Variants in ATAD2B observed in about 807,000 individuals in gnomAD.
ATAD2B encodes ATPase family AAA domain containing 2B, also known as ATPase family AAA domain-containing protein 2B.
ATAD2B carries 40 observed loss-of-function variants against 167.6 expected under a neutral mutation model. That is an observed-to-expected ratio of 0.24 (90% CI 0.19 to 0.31). The LOEUF is 0.31. Ranked by LOEUF, ATAD2B falls within the 10% of genes least tolerant of loss-of-function variation. ATAD2B has a pLI of 1.00. For missense variants in ATAD2B, 1,242 were observed against 1,757.2 expected, an observed-to-expected ratio of 0.71 and a Z score of 5.24; for synonymous variants, 579 against 596.5, an observed-to-expected ratio of 0.97 and a Z score of 0.43.
At chr2:23,785,047 T>G (rs747984228) in intron 21 of ATAD2B, among the ~76,000 whole-genome samples, 17 of 151,936 alleles carry the variant, frequency 1.1e-4, no homozygotes, top group Admixed American at 2.0e-4. Flanking sequence ...CAAATAAAAT[T>G]ATAGATAGTC....
At chr2:23,773,599 A>G (rs543250070) in intron 22 of ATAD2B, among the ~76,000 whole-genome samples, 12 of 152,300 alleles carry the variant, frequency 7.9e-5, no homozygotes, top group African/African-American at 2.4e-4. Flanking sequence ...TCAGAGACTC[A>G]CTCATCACTT....
intron 11 of ATAD2B, among the ~76,000 whole-genome samples, chr2:23,864,398 G>A (rs1277091590): frequency 3.3e-5 from 5 of 152,130 alleles, no homozygotes; most frequent in Admixed American, 3.3e-4. Context: ...GGCACAATCT[G>A]TTCCTACAAA....
intron 12 of ATAD2B, 37 bp from the exon 13 acceptor site, chr2:23,857,540 G>T: frequency 9.8e-7 from 1 of 1,016,384 alleles, no homozygotes; most frequent in Non-Finnish European, 1.4e-6. Context: ...TATTGTATTT[G>T]TTTTCATTTT....
chr2:23,916,944 T>C (rs1255332414), intron 1 of ATAD2B, among the ~76,000 whole-genome samples: 4 of 152,210 alleles, frequency 2.6e-5, no homozygotes, highest in African/African-American at 9.6e-5. Context: ...GTACATACCA[T>C]GAAGCAGGGA....
At position 23,757,644 on chromosome 2, in the gene ATAD2B, T is replaced by C; in HGVS notation, c.3852A>G (p.Glu1284=). The C allele has an allele frequency of 1.9e-6, 3 of 1,613,876 alleles. No individual in the cohort carries two copies. The highest frequency in any genetic ancestry group is 2.5e-6 in the Non-Finnish European group (3 of 1,179,760). ...TDSFEGIPVL[E]CQNGKLEVVS... ...CTACTTCAAGCTTGCCATTCTGACA[T>C]TCCAGAACTGGTATTCCTTCAAAAC... is the stretch of plus-strand genomic sequence containing the variant. Residue 1284 remains glutamate, a synonymous_variant, in exon 25 of 28, where the codon GAA becomes GAG. Coordinates refer to ENST00000238789, the MANE Select transcript of ATAD2B (RefSeq NM_017552.4).
At chr2:23,785,862 G>C in intron 21 of ATAD2B, 165 bp downstream of exon 21, 3 of 544,884 alleles carry the variant, frequency 5.5e-6, no homozygotes, top group Non-Finnish European at 9.2e-6. Context: ...AAAGTCACCA[G>C]ATGTTTGCTG....
At chr2:23,718,609 C>A in the ATAD2B span, among the ~76,000 whole-genome samples, 11 of 152,198 alleles carry the variant, frequency 7.2e-5, no homozygotes, top group African/African-American at 2.7e-4. Context: ...ACATGGAGAA[C>A]TGTATTAGTG....
At chr2:23,874,781 G>T (rs1370577945) in intron 8 of ATAD2B, among the ~76,000 whole-genome samples, 1 of 152,114 alleles carries the variant, frequency 6.6e-6, no homozygotes, top group Non-Finnish European at 1.5e-5. Flanking sequence ...TTAGGGCCGG[G>T]TGTGGTGGCT....
At chr2:23,898,145 A>C (rs1324764618) in intron 1 of ATAD2B, among the ~76,000 whole-genome samples, 1 of 151,866 alleles carries the variant, frequency 6.6e-6, no homozygotes, top group Non-Finnish European at 1.5e-5. Context: ...ACCTCACTAT[A>C]TTGCCTAGAC....
chr2:23,834,300 T>C (rs1374911542), intron 13 of ATAD2B, among the ~76,000 whole-genome samples: 1 of 151,782 alleles, frequency 6.6e-6, no homozygotes, highest in Admixed American at 6.6e-5. Flanking sequence ...TAGCTGGGAC[T>C]ACAGGCGCAC....
At position 23,877,470 on chromosome 2, in the gene ATAD2B, G is replaced by A. The variant is rs528815824; in HGVS notation, c.902-1566C>T. Among the ~76,000 whole-genome samples, 130 of 141,884 alleles carry A rather than the reference G, an allele frequency of 9.2e-4. 1 individual carries two copies. The highest frequency in any genetic ancestry group is 3.5e-3 in the Middle Eastern group (1 of 284). The allele number at this position is 141,884 out of a possible 152,430, so 93.1% of individuals were successfully genotyped here. On this transcript the variant is annotated intron_variant, in intron 7 of 27. Coordinates refer to ENST00000238789, the MANE Select transcript of ATAD2B (RefSeq NM_017552.4). ...GATCATGCCACTGCACTCCAGCCTA[G>A]GTGACAGAGCAAGAAGGAAGGGAAG...
chr2:23,869,622 C>T, intron 9 of ATAD2B, 41 bp downstream of exon 9: 3 of 1,420,864 alleles, frequency 2.1e-6, no homozygotes, highest in Non-Finnish European at 2.9e-6. Flanking sequence ...CTTATTTTTC[C>T]TTTTTTCTAC....
chr2:23,815,056 CAAAA>C (rs553479769), intron 17 of ATAD2B, among the ~76,000 whole-genome samples: 1 of 76,522 alleles, frequency 1.3e-5, no homozygotes, highest in African/African-American at 5.4e-5. Context: ...AATCCGTCTC[CAAAA>C]AAAAAAAAAA....
chr2:23,880,458 G>A (rs1191258952), intron 7 of ATAD2B, among the ~76,000 whole-genome samples, 181 bp downstream of exon 7: 1 of 151,948 alleles, frequency 6.6e-6, no homozygotes, highest in South Asian at 2.1e-4. Flanking sequence ...AGCTACTCGG[G>A]AGGCTGAAGC....
intron 17 of ATAD2B, among the ~76,000 whole-genome samples, chr2:23,816,025 T>C (rs1171354142): frequency 1.3e-5 from 2 of 152,218 alleles, no homozygotes; most frequent in Non-Finnish European, 2.9e-5. Flanking sequence ...TGGAACATGA[T>C]GGGCACTTTT....
At chr2:23,824,965 A>T (rs1688018635) in intron 15 of ATAD2B, among the ~76,000 whole-genome samples, 1 of 152,044 alleles carries the variant, frequency 6.6e-6, no homozygotes, top group Non-Finnish European at 1.5e-5. Context: ...TTTTTGGGAG[A>T]CAGCATTATC....
intron 24 of ATAD2B, among the ~76,000 whole-genome samples, chr2:23,758,949 G>A (rs1402200349): frequency 6.6e-6 from 1 of 152,136 alleles, no homozygotes; most frequent in African/African-American, 2.4e-5. Flanking sequence ...GGTATTAATG[G>A]ACCCTGGAAT....
At chr2:23,852,011 T>C (rs1234396034) in intron 13 of ATAD2B, among the ~76,000 whole-genome samples, 2 of 151,734 alleles carry the variant, frequency 1.3e-5, no homozygotes, top group African/African-American at 2.4e-5. Flanking sequence ...GATAACAGAA[T>C]AGTAGGAAAA....
chr2:23,695,111 G>A, the ATAD2B span, among the ~76,000 whole-genome samples: 2 of 152,142 alleles, frequency 1.3e-5, no homozygotes, highest in African/African-American at 2.4e-5. This position sits in a 1 kb window ranked among gnomAD's most constrained non-coding sequence, Gnocchi z 7.6. Context: ...TGGGACATGG[G>A]ACACCACTGA....
Sources: allele counts gnomAD v4.1 joint callset (sites outside exome capture counted in the v4.1 genomes callset), GRCh38; gene constraint gnomAD v4.1.1; non-coding constraint Gnocchi (gnomAD v3.1); transcripts MANE v1.5; gene names NCBI Gene and HGNC (gene_info 2026-07-23, HGNC 2026-07-21).